ATXN1: variants seen among roughly 807,000 people sequenced by gnomAD.
ATXN1 encodes ataxin-1.
ATXN1 carries 8 observed loss-of-function variants against 56.4 expected under a neutral mutation model. That is an observed-to-expected ratio of 0.14 (90% confidence interval 0.08 to 0.26). The LOEUF is 0.26. Ranked by LOEUF, ATXN1 falls within the 10% of genes least tolerant of loss-of-function variation. The pLI is 1.00. For synonymous variants in ATXN1, 514 were observed against 494.6 expected (o/e 1.04, Z -0.52); for missense variants, 987 against 1,106.5 (o/e 0.89, Z 1.53).
At chr6:16,345,842 TGGAACATTAA>T (rs1487476945) in intron 6 of ATXN1, among the ~76,000 whole-genome samples, 1 of 152,100 alleles carries the variant, frequency 6.6e-6, no homozygotes, top group Non-Finnish European at 1.5e-5. Context: ...ACAAAGCCAA[TGGAACATTAA>T]GGACACTGAA....
At chr6:16,453,187 CATT>C (rs10617781) in intron 6 of ATXN1, among the ~76,000 whole-genome samples, 63,794 of 151,722 alleles carry the variant, frequency 0.42, 14,490 homozygotes, top group East Asian at 0.81. Context: ...TCAGTCTCAT[CATT>C]GATAGAGGGG....
At chr6:16,395,746 A>ATG (rs1758442270) in intron 6 of ATXN1, among the ~76,000 whole-genome samples, 1 of 152,098 alleles carries the variant, frequency 6.6e-6, no homozygotes, top group Non-Finnish European at 1.5e-5. Context: ...GGCCGGGCGC[A>ATG]GTGGCTCATG....
chr6:16,644,069 C>T (rs1254410212), intron 3 of ATXN1, among the ~76,000 whole-genome samples: 2 of 152,062 alleles, frequency 1.3e-5, no homozygotes, highest in African/African-American at 2.4e-5. Context: ...ACACAGTGTA[C>T]AATAGAGGTT....
At chr6:16,521,333 GC>G (rs1761284217) in intron 5 of ATXN1, among the ~76,000 whole-genome samples, 1 of 152,248 alleles carries the variant, frequency 6.6e-6, no homozygotes, top group African/African-American at 2.4e-5. Context: ...GGAGGCCGAG[GC>G]GGATCACGAG....
chr6:16,528,665 T>C (rs1581823588), intron 4 of ATXN1, among the ~76,000 whole-genome samples: 1 of 152,222 alleles, frequency 6.6e-6, no homozygotes, highest in Admixed American at 6.5e-5. Context: ...TTTTTATCTA[T>C]TATCTTTAAT....
At chr6:16,721,476 A>G (rs1759744240) in intron 2 of ATXN1, among the ~76,000 whole-genome samples, 1 of 152,062 alleles carries the variant, frequency 6.6e-6, no homozygotes. Flanking sequence ...AAAATTTGAA[A>G]ATGAGCCAGC....
chr6:16,367,703 CCTTGCAAGAAGGTATGCCTAGA>C (rs950568693), intron 6 of ATXN1, among the ~76,000 whole-genome samples: 10 of 137,928 alleles, frequency 7.3e-5, no homozygotes, highest in South Asian at 2.1e-4. Context: ...CTTCTTCTTG[CCTTGCAAGAAGGTATGCCTAGA>C]CTTGCAAGAA....
intron 6 of ATXN1, among the ~76,000 whole-genome samples, chr6:16,362,006 G>C (rs962033826): frequency 1.3e-5 from 2 of 152,226 alleles, no homozygotes; most frequent in African/African-American, 4.8e-5. Context: ...TCCTTCACCT[G>C]AATTGCTGGG....
chr6:16,554,789 C>T (rs540647551), intron 4 of ATXN1, among the ~76,000 whole-genome samples: 3 of 152,180 alleles, frequency 2.0e-5, no homozygotes, highest in Admixed American at 2.0e-4. Flanking sequence ...TAGGGTTTCA[C>T]CATGTTGGCT....
intron 3 of ATXN1, among the ~76,000 whole-genome samples, chr6:16,620,629 A>G (rs1468810831): frequency 6.6e-6 from 1 of 152,238 alleles, no homozygotes; most frequent in Non-Finnish European, 1.5e-5. Flanking sequence ...CGTTATATAA[A>G]GAAGCTAGAT....
At chr6:16,311,382 A>T (rs1255645421) in intron 7 of ATXN1, among the ~76,000 whole-genome samples, 1 of 152,178 alleles carries the variant, frequency 6.6e-6, no homozygotes, top group Non-Finnish European at 1.5e-5. Context: ...AAGACATTAC[A>T]ATGCCACCAA....
chr6:16,721,482 C>T (rs1759744307), intron 2 of ATXN1, among the ~76,000 whole-genome samples: 1 of 151,986 alleles, frequency 6.6e-6, no homozygotes, highest in African/African-American at 2.4e-5. Context: ...TGAAAATGAG[C>T]CAGCTATGGT....
intron 3 of ATXN1, among the ~76,000 whole-genome samples, chr6:16,613,309 C>T (rs1763147738): frequency 6.7e-6 from 1 of 148,728 alleles, no homozygotes; most frequent in African/African-American, 2.5e-5. Flanking sequence ...TTTTAAAAGG[C>T]TATTAATTAG....
chr6:16,538,498 T>C (rs1466334618), intron 4 of ATXN1, among the ~76,000 whole-genome samples: 3 of 152,162 alleles, frequency 2.0e-5, no homozygotes, highest in Non-Finnish European at 1.5e-5. Flanking sequence ...TTGTTACATA[T>C]GTATAGATGT....
chr6:16,534,991 C>A (rs1468863042), intron 4 of ATXN1, among the ~76,000 whole-genome samples: 1 of 152,206 alleles, frequency 6.6e-6, no homozygotes, highest in African/African-American at 2.4e-5. Context: ...CAGGAATAAG[C>A]ACAGCACCAA....
chr6:16,728,950 G>A (rs540617635), intron 2 of ATXN1, among the ~76,000 whole-genome samples: 4 of 152,198 alleles, frequency 2.6e-5, no homozygotes, highest in African/African-American at 9.6e-5. Context: ...TTTTTAAGGT[G>A]CTATCACACC....
In ATXN1 at chr6:16,306,790, C is replaced by T; in HGVS notation, c.1987G>A (p.Glu663Lys). Residue 663 changes from glutamate to lysine, a missense_variant, in exon 8 of 8, where the codon GAG becomes AAG. This residue lies in a region of ATXN1 where 196 missense variants were observed against 196.7 expected (regional missense o/e 1.00). Transcript: ENST00000436367. The surrounding 1 kb of genome is among the most constrained non-coding windows in gnomAD (Gnocchi z 5.2). ...AAATCAAAGAGCTGGCTGGTTCTCT[C>T]CGGACAGCAGGATGACCAGCCCTGT... is the stretch of plus-strand genomic sequence containing the variant. ...FGQGWSSCCP[E>K]RTSQLFDLPC... 1 of 1,614,044 alleles carries T rather than the reference C, an allele frequency of 6.2e-7. No individual in the cohort carries two copies.
chr6:16,444,431 G>C (rs1195948601), intron 6 of ATXN1, among the ~76,000 whole-genome samples: 1 of 152,184 alleles, frequency 6.6e-6, no homozygotes, highest in African/African-American at 2.4e-5. Context: ...TAGCCAAACT[G>C]AATAGGATCC....
intron 6 of ATXN1, among the ~76,000 whole-genome samples, chr6:16,359,451 G>A (rs1360028966): frequency 6.6e-6 from 1 of 152,138 alleles, no homozygotes; most frequent in African/African-American, 2.4e-5. Flanking sequence ...CAGTTGCAGA[G>A]AGGAGTACCC....
Sources: allele counts gnomAD v4.1 joint callset (sites outside exome capture counted in the v4.1 genomes callset), GRCh38; gene constraint gnomAD v4.1.1; regional missense constraint gnomAD v4.1.1; non-coding constraint Gnocchi (gnomAD v3.1); transcripts MANE v1.5; gene names NCBI Gene and HGNC (gene_info 2026-07-23, HGNC 2026-07-21).